The following APBA2 variants were observed in gnomAD, a reference collection of about 807,000 sequenced individuals.
The protein encoded by APBA2 is amyloid beta precursor protein binding family A member 2.
APBA2 carries 30 observed loss-of-function variants against 75.0 expected under a neutral mutation model. The ratio of observed to expected loss-of-function variants is 0.40; its 90% CI spans 0.30 to 0.54. The LOEUF is 0.54. APBA2 is among the 20% of genes least tolerant of loss of function. The probability of loss-of-function intolerance (pLI) is 0.49; values close to 1 mark genes in which losing one functional copy is unlikely to be tolerated. For missense variants in APBA2, 801 were observed against 1,016.1 expected (o/e 0.79, Z 2.88); for synonymous variants, 444 against 409.6 (o/e 1.08, Z -1.01).
rs1156752444 is a variant in APBA2, at chr15:29,054,545, G to T, written c.661G>T (p.Asp221Tyr). ...RLRRGDGDLE[D>Y]QEEDIDQIVA... is the part of the protein sequence containing the mutation. ...GAGGCGTGGGGATGGGGACCTGGAG[G>T]ACCAGGAGGAGGACATTGACCAGAT... Residue 221 changes from aspartate (D) to tyrosine (Y), a missense_variant, in exon 4 of 15, where the codon GAC becomes TAC. Asp to Tyr is a radical substitution (Grantham distance 160). Coordinates refer to ENST00000683413, the MANE Select transcript of APBA2 (RefSeq NM_001353788.2). The surrounding 1 kb of genome is among the most constrained non-coding windows in gnomAD (Gnocchi z 6.1). The T allele has an allele frequency of 6.2e-7, 1 of 1,613,646 alleles. No individual in the cohort carries two copies. Among genetic ancestry groups the T allele is most frequent in the East Asian group, 2.2e-5 (1 of 44,860 alleles).
chr15:29,067,813 A>C (rs2042442516), intron 4 of APBA2, among the ~76,000 whole-genome samples: 1 of 152,118 alleles, frequency 6.6e-6, no homozygotes, highest in South Asian at 2.1e-4. Context: ...TTGTTTTTCA[A>C]ATTATGAGTT....
intron 3 of APBA2, among the ~76,000 whole-genome samples, chr15:29,024,890 G>A (rs1323707575): frequency 2.0e-5 from 3 of 152,166 alleles, no homozygotes; most frequent in Non-Finnish European, 4.4e-5. Flanking sequence ...AGCAGGAGAT[G>A]GCCTGAGGTA....
intron 2 of APBA2, among the ~76,000 whole-genome samples, chr15:28,964,568 A>C (rs769025091): frequency 6.6e-6 from 1 of 150,882 alleles, no homozygotes; most frequent in Non-Finnish European, 1.5e-5. Flanking sequence ...GCTCACTGCA[A>C]CCTCCGCCTC....
intron 1 of APBA2, among the ~76,000 whole-genome samples, chr15:28,921,256 C>G (rs1257086407): frequency 6.6e-6 from 1 of 152,134 alleles, no homozygotes; most frequent in East Asian, 1.9e-4. Context: ...ATTAATGGCA[C>G]GAGATTTCCC....
chr15:29,071,456 C>T (rs955296072), intron 4 of APBA2, among the ~76,000 whole-genome samples: 2 of 151,636 alleles, frequency 1.3e-5, no homozygotes, highest in Non-Finnish European at 2.9e-5. Context: ...GGCCCCACTA[C>T]AGTTACTCAG....
At chr15:28,909,698 G>T (rs988617798) in intron 1 of APBA2, among the ~76,000 whole-genome samples, 1 of 152,200 alleles carries the variant, frequency 6.6e-6, no homozygotes, top group African/African-American at 2.4e-5. Flanking sequence ...TGGAGCAGGA[G>T]CCAGTTCCTG....
At chr15:28,957,200 G>A (rs1392931832) in intron 2 of APBA2, among the ~76,000 whole-genome samples, 1 of 152,024 alleles carries the variant, frequency 6.6e-6, no homozygotes, top group Non-Finnish European at 1.5e-5. Flanking sequence ...AGCCTCCCGA[G>A]TAGCTGGGAC....
At chr15:29,086,443 A>AT (rs1219891049) in intron 6 of APBA2, among the ~76,000 whole-genome samples, 1 of 152,206 alleles carries the variant, frequency 6.6e-6, no homozygotes, top group Non-Finnish European at 1.5e-5. Flanking sequence ...TACACAACAT[A>AT]TTTTTTAAGA....
chr15:28,920,268 C>G (rs2033904357), intron 1 of APBA2, among the ~76,000 whole-genome samples: 2 of 152,204 alleles, frequency 1.3e-5, no homozygotes, highest in South Asian at 2.1e-4. Flanking sequence ...TCTAGAGGAA[C>G]AACAGCAACA....
At chr15:28,945,641 C>T (rs562330670) in intron 2 of APBA2, among the ~76,000 whole-genome samples, 2 of 152,044 alleles carry the variant, frequency 1.3e-5, no homozygotes, top group East Asian at 1.9e-4. Context: ...GCCTCAGCCT[C>T]CTGAGTAACT....
rs1484871277 is a variant in APBA2 at position 29,074,937 on chromosome 15, A to T, written c.968A>T (p.Glu323Val). 1 of 1,614,106 alleles carries T rather than the reference A, an allele frequency of 6.2e-7. No individual in the cohort carries two copies. The highest frequency in any genetic ancestry group is 1.1e-5 in the South Asian group (1 of 91,076). Residue 323 changes from glutamate (E) to valine (V), a missense_variant, in exon 5 of 15, where the codon GAG becomes GTG. Transcript: ENST00000683413. ...CGTTTCCAGGTTTGCAATGGTCTGG[A>T]GCAGCCAAGGAAGCAGCAGCGCTCT... ...WPHEQVCNGL[E>V]QPRKQQRSDL...
intron 2 of APBA2, among the ~76,000 whole-genome samples, chr15:28,959,304 G>T (rs550420116): frequency 1.1e-4 from 17 of 152,236 alleles, no homozygotes; most frequent in Non-Finnish European, 1.9e-4. Context: ...AAAACGGAGA[G>T]AATTGTGATC....
chr15:29,035,179 G>A (rs1411702015), intron 3 of APBA2, among the ~76,000 whole-genome samples: 1 of 152,184 alleles, frequency 6.6e-6, no homozygotes, highest in Non-Finnish European at 1.5e-5. Context: ...GCTAGGCTTG[G>A]GGCCTGGTCA....
intron 1 of APBA2, among the ~76,000 whole-genome samples, chr15:28,892,251 A>T (rs570931680): frequency 1.5e-3 from 223 of 151,836 alleles, no homozygotes; most frequent in Admixed American, 2.6e-3. Flanking sequence ...ATTTTTTTGG[A>T]TTTTTAGTAG....
At chr15:29,083,889 G>GA (rs1484359428) in intron 6 of APBA2, among the ~76,000 whole-genome samples, 14 of 152,114 alleles carry the variant, frequency 9.2e-5, no homozygotes, top group African/African-American at 3.4e-4. Flanking sequence ...CCATTTAGGG[G>GA]AAAAAATGTC....
chr15:28,966,694 G>T (rs1204888148), intron 2 of APBA2, among the ~76,000 whole-genome samples: 1 of 151,780 alleles, frequency 6.6e-6, no homozygotes, highest in Non-Finnish European at 1.5e-5. Context: ...GACTTGCTAG[G>T]GTTTAAGTCT....
intron 1 of APBA2, among the ~76,000 whole-genome samples, chr15:28,910,784 C>T (rs1435919341): frequency 1.3e-5 from 2 of 152,088 alleles, no homozygotes; most frequent in Non-Finnish European, 2.9e-5. Flanking sequence ...TTGATACAGC[C>T]GTGTCAGTTT....
At chr15:29,110,672 C>T (rs1406389915) in intron 13 of APBA2, among the ~76,000 whole-genome samples, 1 of 152,186 alleles carries the variant, frequency 6.6e-6, no homozygotes, top group Non-Finnish European at 1.5e-5. Flanking sequence ...GTGACTTGCC[C>T]CAGGTCACAC....
chr15:28,887,979 T>C (rs542882195), intron 1 of APBA2, among the ~76,000 whole-genome samples: 98 of 151,946 alleles, frequency 6.4e-4, no homozygotes, highest in African/African-American at 2.2e-3. Flanking sequence ...GGGGTGTGAG[T>C]GTGTGTGAGC....
Sources: gnomAD v4.1 joint callset for allele counts (sites outside exome capture counted in the v4.1 genomes callset) on GRCh38, gnomAD v4.1.1 for gene constraint, Gnocchi (gnomAD v3.1) non-coding constraint, MANE v1.5 for transcripts, NCBI Gene and HGNC (gene_info 2026-07-23, HGNC 2026-07-21) for gene names.